ZSCAN22: variants seen among roughly 807,000 people sequenced by gnomAD.
ZSCAN22 encodes zinc finger and SCAN domain-containing protein 22.
A neutral mutation model predicts 12.4 loss-of-function variants in ZSCAN22; 7 were observed. The observed-to-expected ratio is 0.57, with a 90% CI of 0.32 to 1.06. ZSCAN22 has a LOEUF of 1.06. ZSCAN22 is among the 50% of genes least tolerant of loss of function. The pLI is 0.04. For missense variants in ZSCAN22, 576 were observed against 631.7 expected (o/e 0.91, Z 0.94); for synonymous variants, 243 against 255.9 (o/e 0.95, Z 0.48).
intron 1 of ZSCAN22, among the ~76,000 whole-genome samples, chr19:58,331,497 G>C (rs575459363): frequency 4.6e-4 from 69 of 149,288 alleles, no homozygotes; most frequent in Middle Eastern, 3.6e-3. Context: ...TTACAGGTGT[G>C]AGCCACCGCG....
intron 1 of ZSCAN22, among the ~76,000 whole-genome samples, chr19:58,332,563 C>T (rs1358875899): frequency 6.6e-6 from 1 of 152,158 alleles, no homozygotes; most frequent in Non-Finnish European, 1.5e-5. Flanking sequence ...GTGTGAGCCA[C>T]CGTGCCCTGC....
At chr19:58,328,903 G>C (rs956132745) in intron 1 of ZSCAN22, among the ~76,000 whole-genome samples, 3 of 152,150 alleles carry the variant, frequency 2.0e-5, no homozygotes, top group African/African-American at 7.2e-5. Context: ...TATAGGGCAA[G>C]TCCTGTGTGC....
Position 58,338,740 on chromosome 19 carries a change from C to T in ZSCAN22, c.890C>T (p.Ala297Val). The change falls in exon 3 of 3, where the codon GCC becomes GTC. Residue 297 changes from alanine to valine, a missense_variant. Physicochemically the swap from Ala to Val is moderately conservative, Grantham distance 64. Coordinates refer to ENST00000329665, the MANE Select transcript of ZSCAN22 (RefSeq NM_181846.3). This position sits in a 1 kb window ranked among gnomAD's most constrained non-coding sequence, Gnocchi z 5.4. The part of the protein sequence containing the change: ...QKTHSRKTPY[A>V]CSECGKAFSR... ...ACCCATTCTCGGAAGACCCCATATG[C>T]CTGCAGCGAGTGTGGGAAAGCCTTC... The T allele has an allele frequency of 6.2e-7, 1 of 1,614,250 alleles. No homozygotes were observed. The highest frequency in any genetic ancestry group is 8.5e-7 in the Non-Finnish European group (1 of 1,180,046).
Position 58,329,205 on chromosome 19 carries a change from AGGTCACCAGC to A in ZSCAN22, c.-52+2100_-52+2109del, listed in dbSNP as rs57448341. Reference sequence around the variant, plus strand: ...ACGCAGCTTGGCCAGAGGCCACCAGAGGTCACCAGCGGTCACCAAAAGGTTTCAGGATTGG... The same window carrying A: ...ACGCAGCTTGGCCAGAGGCCACCAGAGGTCACCAAAAGGTTTCAGGATTGG... On this transcript the variant is annotated intron_variant, in intron 1 of 2. Transcript: ENST00000329665. This position sits in a 1 kb window ranked among gnomAD's most constrained non-coding sequence, Gnocchi z 4.1. Among the ~76,000 whole-genome samples the A allele has an allele frequency of 0.1, 15,861 of 151,570 alleles. 1,324 individuals carry two copies. The highest frequency in any genetic ancestry group is 0.22 in the African/African-American group (8,992 of 40,924).
Position 58,340,480 on chromosome 19 carries a change from C to CTTTTT in ZSCAN22, c.*1163_*1167dup, listed in dbSNP as rs779224811. ...CTTCTTTTTCTTTTTCTTTTCTTTT[C>CTTTTT]TTTTTTTTTTTTTGAGATGGAGTCT... is the stretch of plus-strand genomic sequence containing the variant. On this transcript the variant is annotated 3_prime_UTR_variant, in exon 3 of 3. Coordinates refer to ENST00000329665, the MANE Select transcript of ZSCAN22 (RefSeq NM_181846.3). 9 of 142,126 alleles carry CTTTTT rather than the reference C, an allele frequency of 6.3e-5. No homozygotes were observed. Among genetic ancestry groups the CTTTTT allele is most frequent in the Non-Finnish European group, 1.2e-4 (8 of 67,466 alleles). The allele number at this position is 142,126 out of a possible 1,614,324, so 8.8% of individuals were successfully genotyped here.
At chr19:58,330,971 C>A (rs952188955) in intron 1 of ZSCAN22, among the ~76,000 whole-genome samples, 2 of 152,178 alleles carry the variant, frequency 1.3e-5, no homozygotes, top group Admixed American at 1.3e-4. Flanking sequence ...GATGTATGTG[C>A]CCAGCAATGC....
At chr19:58,334,715 G>A in intron 1 of ZSCAN22, 37 bp from the exon 2 acceptor site, 2 of 1,426,164 alleles carry the variant, frequency 1.4e-6, no homozygotes, top group Non-Finnish European at 1.9e-6. Flanking sequence ...GCAGGGCCCA[G>A]GTTCCATGTG....
rs1310657907 is a variant in ZSCAN22, at chr19:58,341,704, T to C, written c.*2378T>C. ...GAGAGACTGAGAGGGATGACAGGCT[T>C]AGGGGAAAACTCAGAGAGGAGAGAT... is the stretch of plus-strand genomic sequence containing the variant. On this transcript the variant is annotated 3_prime_UTR_variant, in exon 3 of 3. Transcript: ENST00000329665. 6.6e-6 allele frequency: 1 copy of C among 152,144 alleles called. No homozygotes were observed. The highest frequency in any genetic ancestry group is 1.5e-5 in the Non-Finnish European group (1 of 68,038). The allele number at this position is 152,144 out of a possible 1,614,324, so 9.4% of individuals were successfully genotyped here.
intron 1 of ZSCAN22, among the ~76,000 whole-genome samples, chr19:58,330,125 A>G (rs2051705054): frequency 6.6e-6 from 1 of 152,016 alleles, no homozygotes; most frequent in Non-Finnish European, 1.5e-5. Context: ...CGTCTCTACT[A>G]AAAGTACAAA....
rs1568540951 is a variant in ZSCAN22, at chr19:58,329,927, C to T, written c.-52+2813C>T. 1.3e-5 allele frequency among the ~76,000 whole-genome samples: 2 copies of T among 152,190 alleles called. No individual in the cohort carries two copies. Among genetic ancestry groups the T allele is most frequent in the Non-Finnish European group, 2.9e-5 (2 of 68,032 alleles). On this transcript the variant is annotated intron_variant, in intron 1 of 2. Coordinates refer to ENST00000329665, the MANE Select transcript of ZSCAN22 (RefSeq NM_181846.3). This position sits in a 1 kb window ranked among gnomAD's most constrained non-coding sequence, Gnocchi z 4.1. Reference sequence around the variant, plus strand: ...GAGAAATTGGAACCCTCATCCACAACTGGTGGGAATGCAAAATGGTATAGC... The same window carrying T: ...GAGAAATTGGAACCCTCATCCACAATTGGTGGGAATGCAAAATGGTATAGC...
rs917021005 is a variant in ZSCAN22 at position 58,339,226 on chromosome 19, C to T, written c.1376C>T (p.Thr459Met). ...CTCATTGAGCACCAGAGGATCCACA[C>T]GGGAGAGAAGCCTTATAAGTGCAGC... ...SSLIEHQRIH[T>M]GEKPYKCSDC... The change falls in exon 3 of 3, where the codon ACG (threonine) becomes ATG (methionine). Residue 459 changes from threonine (T) to methionine (M), a missense_variant. Coordinates refer to ENST00000329665, the MANE Select transcript of ZSCAN22 (RefSeq NM_181846.3). The surrounding 1 kb of genome is among the most constrained non-coding windows in gnomAD (Gnocchi z 5.6). 5.6e-6 allele frequency: 9 copies of T among 1,614,062 alleles called. No individual in the cohort carries two copies. The highest frequency in any genetic ancestry group is 4.4e-5 in the South Asian group (4 of 91,078).
rs770746454 is a variant in ZSCAN22, at chr19:58,338,511, C to T, written c.661C>T (p.Arg221Cys). Residue 221 changes from arginine to cysteine, a missense_variant, in exon 3 of 3, where the codon CGT becomes TGT. Physicochemically the swap from Arg to Cys is radical, Grantham distance 180. Coordinates refer to ENST00000329665, the MANE Select transcript of ZSCAN22 (RefSeq NM_181846.3). This position sits in a 1 kb window ranked among gnomAD's most constrained non-coding sequence, Gnocchi z 5.4. ...YKDVPTDQRG[R>C]ESGASRNSSS... is the part of the protein sequence containing the mutation. ...GGATGTCCCCACAGACCAGCGTGGC[C>T]GTGAATCTGGTGCCTCGAGGAACAG... The T allele has an allele frequency of 3.7e-5, 59 of 1,614,062 alleles. No homozygotes were observed. The highest frequency in any genetic ancestry group is 1.5e-4 in the African/African-American group (11 of 74,926).
rs1281184367 is a variant in ZSCAN22, at chr19:58,335,332, T to G, written c.403+127T>G. On this transcript the variant is annotated intron_variant, in intron 2 of 2. Coordinates refer to ENST00000329665, the MANE Select transcript of ZSCAN22 (RefSeq NM_181846.3). This position sits in a 1 kb window ranked among gnomAD's most constrained non-coding sequence, Gnocchi z 4.1. ...TCTCACATTTGTACTTTACCGTAAC[T>G]CTCACACACTGTTGTAGACAGGTGT... 1 of 1,247,438 alleles carries G rather than the reference T, an allele frequency of 8.0e-7. No individual in the cohort carries two copies. The highest frequency in any genetic ancestry group is 1.5e-5 in the African/African-American group (1 of 66,036). The allele number at this position is 1,247,438 out of a possible 1,614,324, so 77.3% of individuals were successfully genotyped here.
chr19:58,335,609 T>C lies in ZSCAN22; in HGVS notation c.403+404T>C, dbSNP rs1212299112. On this transcript the variant is annotated intron_variant, in intron 2 of 2. Coordinates refer to ENST00000329665, the MANE Select transcript of ZSCAN22 (RefSeq NM_181846.3). The surrounding 1 kb of genome is among the most constrained non-coding windows in gnomAD (Gnocchi z 4.1). Reference sequence around the variant, plus strand: ...TACCAATGTAGAAACCCCGGGGTAATAACAATAAGAGGTCCCTGGTCTGAG... The same window carrying C: ...TACCAATGTAGAAACCCCGGGGTAACAACAATAAGAGGTCCCTGGTCTGAG... 1.3e-5 allele frequency among the ~76,000 whole-genome samples: 2 copies of C among 152,152 alleles called. No individual in the cohort carries two copies. Among genetic ancestry groups the C allele is most frequent in the East Asian group, 1.9e-4 (1 of 5,190 alleles).
chr19:58,335,040 C>G lies in ZSCAN22; in HGVS notation c.238C>G (p.Pro80Ala). Residue 80 changes from proline (P) to alanine (A), a missense_variant, in exon 2 of 3, where the codon CCC (proline) becomes GCC (alanine). Coordinates refer to ENST00000329665, the MANE Select transcript of ZSCAN22 (RefSeq NM_181846.3). This position sits in a 1 kb window ranked among gnomAD's most constrained non-coding sequence, Gnocchi z 4.1. ...AGCGCTGTGCTGTCAGTGGCTGCAG[C>G]CCGAGGCGCACTCCAAGGAGCAGAT... ...LRALCCQWLQ[P>A]EAHSKEQILE... 1 of 1,614,068 alleles carries G rather than the reference C, an allele frequency of 6.2e-7. No individual in the cohort carries two copies. Among genetic ancestry groups the G allele is most frequent in the Non-Finnish European group, 8.5e-7 (1 of 1,180,036 alleles).
In ZSCAN22 at chr19:58,338,427, ATCTGGACAAAG is replaced by A. The variant is rs1319309427; in HGVS notation, c.582_592del (p.Trp194CysfsTer25). The A allele has an allele frequency of 6.2e-7, 1 of 1,614,124 alleles. No individual in the cohort carries two copies. The highest frequency in any genetic ancestry group is 2.2e-5 in the East Asian group (1 of 44,872). Reference sequence around the variant, plus strand: ...AGAGAGGTCTGGACTATCAGGGGAGATCTGGACAAAGTCTGTCACCCAACAGATCCACTTCA... The same window carrying A: ...AGAGAGGTCTGGACTATCAGGGGAGATCTGTCACCCAACAGATCCACTTCA... On this transcript the variant is annotated frameshift_variant, in exon 3 of 3. Transcript: ENST00000329665. LOFTEE classifies it low-confidence loss of function (END_TRUNC). This position sits in a 1 kb window ranked among gnomAD's most constrained non-coding sequence, Gnocchi z 5.4.
intron 1 of ZSCAN22, among the ~76,000 whole-genome samples, chr19:58,330,609 C>A (rs185927488): frequency 6.6e-6 from 1 of 152,340 alleles, no homozygotes; most frequent in Admixed American, 6.5e-5. Context: ...AGCTTTGTTC[C>A]TACTGACCAG....
Position 58,338,162 on chromosome 19 carries a change from T to A in ZSCAN22, c.404-92T>A. On this transcript the variant is annotated intron_variant, in intron 2 of 2. Transcript: ENST00000329665. The surrounding 1 kb of genome is among the most constrained non-coding windows in gnomAD (Gnocchi z 5.4). ...GGCCAGATGTTAGGAACGGGCCACATCTCCCCTTACAAAGTGTGACCGGGG... is the reference window on the plus strand; with the variant it reads ...GGCCAGATGTTAGGAACGGGCCACAACTCCCCTTACAAAGTGTGACCGGGG... The A allele has an allele frequency of 8.3e-7, 1 of 1,203,400 alleles. No homozygotes were observed. Among genetic ancestry groups the A allele is most frequent in the Non-Finnish European group, 1.2e-6 (1 of 856,266 alleles). 74.5% of individuals were successfully genotyped at this position (1,203,400 alleles called of 1,614,324 possible).
rs140138031 is a variant in ZSCAN22, at chr19:58,329,394, T to A, written c.-52+2280T>A. ...GACATTGAAGGAAAGGAAAAAGAAC[T>A]CCAAATACTTAAAACTGTGGGAGTC... On this transcript the variant is annotated intron_variant, in intron 1 of 2. Coordinates refer to ENST00000329665, the MANE Select transcript of ZSCAN22 (RefSeq NM_181846.3). This position sits in a 1 kb window ranked among gnomAD's most constrained non-coding sequence, Gnocchi z 4.1. 7.2e-5 allele frequency among the ~76,000 whole-genome samples: 11 copies of A among 152,286 alleles called. No individual in the cohort carries two copies. The East Asian group carries it at 2.1e-3, about 29-fold the overall frequency.
Sources: gnomAD v4.1 joint callset for allele counts (sites outside exome capture counted in the v4.1 genomes callset) on GRCh38, gnomAD v4.1.1 for gene constraint, Gnocchi (gnomAD v3.1) non-coding constraint, MANE v1.5 for transcripts, NCBI Gene and HGNC (gene_info 2026-07-23, HGNC 2026-07-21) for gene names.